Variants in DMXL2 observed in about 807,000 individuals in gnomAD.
The protein encoded by DMXL2 is dmX-like protein 2.
Under a neutral mutation model 331.1 loss-of-function variants are expected in DMXL2, and 103 were observed. The observed-to-expected ratio is 0.31, with a 90% CI of 0.27 to 0.37. The LOEUF (loss-of-function observed/expected upper bound fraction) is 0.37, where lower values mean the gene tolerates loss of function less well. DMXL2 is among the 10% of genes least tolerant of loss of function. The probability of loss-of-function intolerance (pLI) is 1.00; values close to 1 mark genes in which losing one functional copy is unlikely to be tolerated. For missense variants in DMXL2, 3,171 were observed against 3,642.9 expected, an observed-to-expected ratio of 0.87 and a Z score of 3.33; for synonymous variants, 1,281 against 1,252.1, an observed-to-expected ratio of 1.02 and a Z score of -0.49.
intron 1 of DMXL2, among the ~76,000 whole-genome samples, chr15:51,589,059 G>A (rs1313566998): frequency 1.3e-5 from 2 of 152,142 alleles, no homozygotes; most frequent in East Asian, 3.8e-4. Context: ...TTAGAGGATG[G>A]TCCAGAATAA....
chr15:51,495,717 T>G (rs1469292445), intron 18 of DMXL2, among the ~76,000 whole-genome samples: 1 of 152,088 alleles, frequency 6.6e-6, no homozygotes, highest in Non-Finnish European at 1.5e-5. Flanking sequence ...TATGAAGGTA[T>G]GGCAAGCGTA....
At chr15:51,563,284 C>T (rs748277624) in intron 6 of DMXL2, 97 bp downstream of exon 6, 3 of 1,017,964 alleles carry the variant, frequency 2.9e-6, no homozygotes, top group Non-Finnish European at 4.3e-6. Context: ...AGGATTATCC[C>T]AGTTTTACAG....
intron 20 of DMXL2, among the ~76,000 whole-genome samples, chr15:51,489,722 C>T (rs186267989): frequency 1.3e-5 from 2 of 151,972 alleles, no homozygotes; most frequent in African/African-American, 2.4e-5. Context: ...ATACTCTTTT[C>T]CCTTCCCCCT....
Position 51,466,331 on chromosome 15 carries a change from TA to T in DMXL2, c.7393-21del, listed in dbSNP as rs759401239. ...AAATGGCTGCAATAAAAGGTAAAAT[TA>T]TTTTTTTAAAGATTATAATTTCATA... On this transcript the variant is annotated intron_variant, in intron 29 of 43. Coordinates refer to ENST00000560891, the MANE Select transcript of DMXL2 (RefSeq NM_001378457.1). 19 of 1,202,090 alleles carry T rather than the reference TA, an allele frequency of 1.6e-5. No homozygotes were observed. The highest frequency in any genetic ancestry group is 7.1e-5 in the South Asian group (3 of 42,458). 74.5% of individuals were successfully genotyped at this position (1,202,090 alleles called of 1,614,324 possible).
At chr15:51,517,703 C>A (rs991334966) in intron 13 of DMXL2, among the ~76,000 whole-genome samples, 2 of 152,210 alleles carry the variant, frequency 1.3e-5, no homozygotes, top group Non-Finnish European at 2.9e-5. Context: ...GTAACTTCAT[C>A]TGAAACGGTT....
At chr15:51,477,139 T>A (rs903370604) in intron 26 of DMXL2, among the ~76,000 whole-genome samples, 1 of 152,038 alleles carries the variant, frequency 6.6e-6, no homozygotes, top group Non-Finnish European at 1.5e-5. Flanking sequence ...AGTTTAACCC[T>A]AAATTAAAGT....
At chr15:51,449,738 A>T (rs1214740519) in intron 43 of DMXL2, among the ~76,000 whole-genome samples, 1 of 152,202 alleles carries the variant, frequency 6.6e-6, no homozygotes, top group Non-Finnish European at 1.5e-5. Flanking sequence ...CCCACCATAA[A>T]GTCAAGGAGC....
At chr15:51,490,767 A>G (rs958916000) in intron 20 of DMXL2, among the ~76,000 whole-genome samples, 2 of 152,178 alleles carry the variant, frequency 1.3e-5, no homozygotes, top group African/African-American at 4.8e-5. Flanking sequence ...GACTCCAAAA[A>G]CCTGCCTTAA....
At chr15:51,511,754 G>A (rs773202072) in intron 15 of DMXL2, among the ~76,000 whole-genome samples, 10 of 152,072 alleles carry the variant, frequency 6.6e-5, no homozygotes, top group African/African-American at 1.9e-4. Flanking sequence ...TGTTTATCGC[G>A]GCACTGTTCA....
At chr15:51,569,240 C>T (rs933830306) in intron 2 of DMXL2, among the ~76,000 whole-genome samples, 5 of 152,160 alleles carry the variant, frequency 3.3e-5, no homozygotes, top group African/African-American at 9.7e-5. Flanking sequence ...CTGGGACACT[C>T]GAGCTTGGTG....
chr15:51,522,363 G>T (rs1383552980), intron 13 of DMXL2, among the ~76,000 whole-genome samples: 1 of 152,124 alleles, frequency 6.6e-6, no homozygotes, highest in Admixed American at 6.6e-5. Context: ...CCAAACTTAG[G>T]GGCTGGGCGC....
intron 1 of DMXL2, among the ~76,000 whole-genome samples, chr15:51,609,883 T>C (rs752530116): frequency 7.7e-4 from 117 of 151,490 alleles, no homozygotes; most frequent in Non-Finnish European, 2.8e-4. Flanking sequence ...TGAGCAGAGA[T>C]TGCGCCATTG....
chr15:51,593,095 C>T (rs1339640960), intron 1 of DMXL2, among the ~76,000 whole-genome samples: 4 of 152,172 alleles, frequency 2.6e-5, no homozygotes, highest in Admixed American at 1.3e-4. Context: ...GGGCTAAATG[C>T]TCCAATTAAA....
In DMXL2 at chr15:51,572,259, C is replaced by T. The variant is rs2050722447; in HGVS notation, c.214-3701G>A. ...GGAAGAAGTTGAATCCCTGAATAGA[C>T]CAATAAGAGGTTCTGAAATTGAGGC... On this transcript the variant is annotated intron_variant, in intron 2 of 43. Transcript: ENST00000560891. Among the ~76,000 whole-genome samples the T allele has an allele frequency of 2.5e-5, 3 of 121,554 alleles. 1 individual carries two copies. The Admixed American group carries it at 2.6e-4, about 10-fold the overall frequency. 79.7% of individuals were successfully genotyped at this position (121,554 alleles called of 152,430 possible).
At chr15:51,467,633 C>A (rs1200027858) in intron 29 of DMXL2, among the ~76,000 whole-genome samples, 4 of 152,062 alleles carry the variant, frequency 2.6e-5, no homozygotes, top group Non-Finnish European at 5.9e-5. Flanking sequence ...CATCCTCTCA[C>A]TATTCTCAAG....
At chr15:51,460,512 GT>G (rs2040017419) in intron 33 of DMXL2, 1 of 287,002 alleles carries the variant, frequency 3.5e-6, no homozygotes, top group South Asian at 1.4e-4. Context: ...CCAAAAACTT[GT>G]TTTGTGAAAT....
intron 19 of DMXL2, among the ~76,000 whole-genome samples, chr15:51,493,061 A>C (rs1393126931): frequency 6.6e-6 from 1 of 152,202 alleles, no homozygotes; most frequent in Non-Finnish European, 1.5e-5. Flanking sequence ...TCATACCACA[A>C]AATTAATGCA....
intron 23 of DMXL2, 89 bp downstream of exon 23, chr15:51,485,984 A>G: frequency 7.4e-7 from 1 of 1,350,308 alleles, no homozygotes. Context: ...CAAATCTGGT[A>G]ATGATTTTTC....
rs770401582 is a variant in DMXL2, at chr15:51,480,735, T to C, written c.6371A>G (p.Tyr2124Cys). ...TCTTCTTTCTATTTGATGGCGCTCATAGGAACCAATATCTGGTTTGTCTAC... is the reference window on the plus strand; with the variant it reads ...TCTTCTTTCTATTTGATGGCGCTCACAGGAACCAATATCTGGTTTGTCTAC... The part of the protein sequence containing the change: ...EMVDKPDIGS[Y>C]ERHQIERRRL... The change falls in exon 24 of 44, where the codon TAT becomes TGT. Residue 2124 changes from tyrosine (Y) to cysteine (C), a missense_variant. Transcript: ENST00000560891. 16 of 1,602,438 alleles carry C rather than the reference T, an allele frequency of 1.0e-5. No homozygotes were observed. In the East Asian group the frequency reaches 2.7e-4, roughly 27 times the overall value.
Sources: gnomAD v4.1 joint callset for allele counts (sites outside exome capture counted in the v4.1 genomes callset) on GRCh38, gnomAD v4.1.1 for gene constraint, MANE v1.5 for transcripts, NCBI Gene and HGNC (gene_info 2026-07-23, HGNC 2026-07-21) for gene names.